MYO5B: variants seen among roughly 807,000 people sequenced by gnomAD.
The protein encoded by MYO5B is myosin VB.
A neutral mutation model predicts 229.3 loss-of-function variants in MYO5B; 143 were observed. The ratio of observed to expected loss-of-function variants is 0.62; its 90% CI spans 0.54 to 0.72. MYO5B has a LOEUF of 0.72. Among genes scored for constraint, MYO5B ranks in the 30% least tolerant of loss-of-function variants. The pLI, the probability that MYO5B is intolerant of heterozygous loss-of-function variation, is 0.00. For missense variants in MYO5B, 2,321 were observed against 2,331.0 expected (o/e 1.00, Z 0.09); for synonymous variants, 918 against 885.2 (o/e 1.04, Z -0.66).
rs182061323 is a variant in MYO5B at position 50,179,421 on chromosome 18, G to A, written c.27+15346C>T. Among the ~76,000 whole-genome samples, 6 of 152,306 alleles carry A rather than the reference G, an allele frequency of 3.9e-5. No homozygotes were observed. The East Asian group carries it at 9.6e-4, about 24-fold the overall frequency. On this transcript the variant is annotated intron_variant, in intron 1 of 39. Coordinates refer to ENST00000285039, the MANE Select transcript of MYO5B (RefSeq NM_001080467.3). ...TTGGGAAGTTCCTTCATCTGAAGTG[G>A]GCAAAGCTACCTGAACCGGGTATAG...
intron 1 of MYO5B, among the ~76,000 whole-genome samples, chr18:50,169,873 T>G (rs2032902073): frequency 7.9e-6 from 1 of 126,184 alleles, no homozygotes; most frequent in South Asian, 2.9e-4. Flanking sequence ...TCAAGTCCCA[T>G]GATGAGCAAG....
chr18:50,191,337 G>A (rs1175332883), intron 1 of MYO5B, among the ~76,000 whole-genome samples: 1 of 152,216 alleles, frequency 6.6e-6, no homozygotes, highest in African/African-American at 2.4e-5. Context: ...CAGCCCAGCA[G>A]CCCTTAGGGA....
chr18:50,130,837 A>C (rs1362459855), intron 1 of MYO5B, among the ~76,000 whole-genome samples: 1 of 152,212 alleles, frequency 6.6e-6, no homozygotes, highest in Non-Finnish European at 1.5e-5. Context: ...GGAAATGGGT[A>C]AGGAATCCCG....
chr18:50,182,720 G>A (rs887798419), intron 1 of MYO5B, among the ~76,000 whole-genome samples: 3 of 152,202 alleles, frequency 2.0e-5, no homozygotes, highest in Non-Finnish European at 4.4e-5. Flanking sequence ...GCTTTCTACT[G>A]GTTATGCCAA....
At chr18:49,897,193 G>A (rs564923452) in intron 21 of MYO5B, among the ~76,000 whole-genome samples, 1 of 152,250 alleles carries the variant, frequency 6.6e-6, no homozygotes, top group South Asian at 2.1e-4. Flanking sequence ...ACAGGCCCCA[G>A]AAGGCTCGTC....
intron 32 of MYO5B, among the ~76,000 whole-genome samples, chr18:49,848,415 G>A (rs531473212): frequency 6.6e-6 from 1 of 152,302 alleles, no homozygotes; most frequent in African/African-American, 2.4e-5. Context: ...ACTGGGAAAG[G>A]ACCAATGGAA....
intron 22 of MYO5B, among the ~76,000 whole-genome samples, chr18:49,887,613 A>C: frequency 6.6e-6 from 1 of 152,056 alleles, no homozygotes; most frequent in South Asian, 2.1e-4. Flanking sequence ...CCAGCACTAC[A>C]CTTCCTGTAC....
chr18:50,098,977 C>G (rs976393213), intron 1 of MYO5B: 1 of 153,008 alleles, frequency 6.5e-6, no homozygotes, highest in Non-Finnish European at 1.5e-5. Flanking sequence ...CTGAATGAAT[C>G]TGAAGAACAG....
chr18:50,185,011 G>C (rs1174761226), intron 1 of MYO5B, among the ~76,000 whole-genome samples: 3 of 151,872 alleles, frequency 2.0e-5, no homozygotes, highest in African/African-American at 4.8e-5. Context: ...GGAGATTGAG[G>C]CTGTAGTGAG....
chr18:50,145,992 A>G (rs2032496829), intron 1 of MYO5B, among the ~76,000 whole-genome samples: 1 of 152,242 alleles, frequency 6.6e-6, no homozygotes, highest in Non-Finnish European at 1.5e-5. Flanking sequence ...TTTGTAAATT[A>G]AAGGAGCAGC....
At chr18:50,191,593 T>C (rs1280738970) in intron 1 of MYO5B, among the ~76,000 whole-genome samples, 1 of 152,248 alleles carries the variant, frequency 6.6e-6, no homozygotes, top group Non-Finnish European at 1.5e-5. Flanking sequence ...ACAAGTATTG[T>C]CTTTAAAAGC....
At chr18:50,140,928 A>T (rs2032408160) in intron 1 of MYO5B, among the ~76,000 whole-genome samples, 1 of 152,224 alleles carries the variant, frequency 6.6e-6, no homozygotes, top group Non-Finnish European at 1.5e-5. Context: ...AAAGCATGAA[A>T]CGTGTTACTT....
intron 10 of MYO5B, among the ~76,000 whole-genome samples, chr18:49,973,373 A>T (rs1258501642): frequency 2.0e-5 from 3 of 152,174 alleles, no homozygotes; most frequent in Admixed American, 6.5e-5. Flanking sequence ...CCTTTATTCC[A>T]ACCTCATCAT....
At chr18:49,836,966 G>T in intron 37 of MYO5B, 81 bp from the exon 38 acceptor site, 1 of 1,382,628 alleles carries the variant, frequency 7.2e-7, no homozygotes, top group Non-Finnish European at 1.0e-6. Flanking sequence ...GTGTTTTGCA[G>T]GCCCGCTGCA....
At chr18:50,039,272 A>G (rs1282179478) in intron 3 of MYO5B, among the ~76,000 whole-genome samples, 1 of 152,132 alleles carries the variant, frequency 6.6e-6, no homozygotes. Context: ...ACTCTTTAAA[A>G]AGAGAGAGAG....
At chr18:49,917,468 TTTACTCCAGACCATGGTTTGTAAAC>T in intron 17 of MYO5B, among the ~76,000 whole-genome samples, 1 of 37,646 alleles carries the variant, frequency 2.7e-5, no homozygotes, top group Non-Finnish European at 8.3e-5. Context: ...TTGTAAAACG[TTTACTCCAGACCATGGTTTGTAAAC>T]GTTTACTCCA....
chr18:50,092,145 CAAA>C (rs766473224), intron 1 of MYO5B, among the ~76,000 whole-genome samples: 15 of 152,052 alleles, frequency 9.9e-5, no homozygotes, highest in Non-Finnish European at 2.1e-4. Context: ...CCAGCAGAAA[CAAA>C]GAAGAATCCA....
chr18:50,071,273 G>T (rs1238115832), intron 1 of MYO5B, among the ~76,000 whole-genome samples: 1 of 152,174 alleles, frequency 6.6e-6, no homozygotes, highest in Non-Finnish European at 1.5e-5. Context: ...AAGACTGTTT[G>T]TTCATGCTTG....
intron 2 of MYO5B, among the ~76,000 whole-genome samples, chr18:50,043,109 T>C (rs2030071288): frequency 6.6e-6 from 1 of 150,992 alleles, no homozygotes; most frequent in African/African-American, 2.4e-5. Flanking sequence ...AAGAAGTCAT[T>C]ACATGAAAAA....
Sources: gnomAD v4.1 joint callset for allele counts (sites outside exome capture counted in the v4.1 genomes callset) on GRCh38, gnomAD v4.1.1 for gene constraint, MANE v1.5 for transcripts, NCBI Gene and HGNC (gene_info 2026-07-23, HGNC 2026-07-21) for gene names.